The following MTRF1L variants were observed in gnomAD, a reference collection of about 807,000 sequenced individuals.
MTRF1L encodes the protein peptide chain release factor 1-like, mitochondrial.
A neutral mutation model predicts 40.0 loss-of-function variants in MTRF1L; 29 were observed. The ratio of observed to expected loss-of-function variants is 0.73; its 90% CI spans 0.54 to 0.99. MTRF1L has a LOEUF of 0.99. MTRF1L is among the 50% of genes least tolerant of loss of function. MTRF1L has a pLI of 0.00. For missense variants in MTRF1L, 412 were observed against 464.5 expected, an observed-to-expected ratio of 0.89 and a Z score of 1.04; for synonymous variants, 150 against 175.8, an observed-to-expected ratio of 0.85 and a Z score of 1.16.
chr6:153,000,768 T>A (rs1381662274), intron 1 of MTRF1L, among the ~76,000 whole-genome samples: 2 of 152,124 alleles, frequency 1.3e-5, no homozygotes, highest in East Asian at 3.9e-4. Flanking sequence ...ATCAAGACCA[T>A]TTTTATTCAA....
chr6:152,996,556 A>T, intron 2 of MTRF1L, among the ~76,000 whole-genome samples: 1 of 152,138 alleles, frequency 6.6e-6, no homozygotes, highest in Non-Finnish European at 1.5e-5. Flanking sequence ...CCTAAAGGGG[A>T]AGCAGATTCT....
At chr6:152,997,777 T>C (rs1778762869) in intron 2 of MTRF1L, among the ~76,000 whole-genome samples, 1 of 152,154 alleles carries the variant, frequency 6.6e-6, no homozygotes, top group African/African-American at 2.4e-5. Context: ...ATTCCTCTCA[T>C]CAAACAGGCA....
rs147996517 is a variant in MTRF1L at position 152,995,149 on chromosome 6, A to T, written c.510T>A (p.Phe170Leu). ...TAGTTTACTGACCTAGTTCACTTGG[A>T]AAATATTCCAGGGTTTCAAAATGCC... ...KRWHFETLEY[F>L]PSELGGLRHA... The change falls in exon 3 of 7, where the codon TTT becomes TTA. Residue 170 changes from phenylalanine to leucine, a missense_variant. Transcript: ENST00000367233. 3.7e-6 allele frequency: 6 copies of T among 1,602,198 alleles called. No individual in the cohort carries two copies. In the African/African-American group the frequency reaches 8.1e-5, roughly 22 times the overall value.
intron 2 of MTRF1L, 110 bp downstream of exon 2, chr6:152,998,440 C>T: frequency 1.4e-6 from 1 of 730,804 alleles, no homozygotes; most frequent in Non-Finnish European, 2.0e-6. Flanking sequence ...TTTAAAAAAC[C>T]CAGTTTATTC....
Position 152,989,891 on chromosome 6 carries a change from CAACTTA to C in MTRF1L, c.1141_*3del, listed in dbSNP as rs1321468871. 6.2e-7 allele frequency: 1 copy of C among 1,606,644 alleles called. No individual in the cohort carries two copies. Among genetic ancestry groups the C allele is most frequent in the East Asian group, 2.2e-5 (1 of 44,796 alleles). The stretch of plus-strand genomic sequence containing the variant: ...CTACGAAAGTCTATAAATAACAAAT[CAACTTA>C]AACTTTTTGGGAAATAATTTCTACT... On this transcript the variant is annotated stop_lost and 3_prime_UTR_variant, in exon 7 of 7. Transcript: ENST00000367233.
intron 5 of MTRF1L, among the ~76,000 whole-genome samples, chr6:152,991,639 C>T (rs1778523108): frequency 6.6e-6 from 1 of 152,134 alleles, no homozygotes; most frequent in Non-Finnish European, 1.5e-5. Flanking sequence ...CTCCGCCTCC[C>T]GGGTTCACGC....
In MTRF1L at chr6:152,995,215, C is replaced by A; in HGVS notation, c.444G>T (p.Glu148Asp). ...GGQEAMLFTS[E>D]IFDMYQQYAA... ...CATATTGCTGATACATATCAAATAT[C>A]TCTGATGTAAACAACATTGCCTCCT... The change falls in exon 3 of 7, where the codon GAG becomes GAT. Residue 148 changes from glutamate to aspartate, a missense_variant. By Grantham distance (45) the Glu-to-Asp change is conservative (BLOSUM62 2). Transcript: ENST00000367233. 1 of 1,609,338 alleles carries A rather than the reference C, an allele frequency of 6.2e-7. No homozygotes were observed. The highest frequency in any genetic ancestry group is 8.5e-7 in the Non-Finnish European group (1 of 1,177,318).
intron 4 of MTRF1L, among the ~76,000 whole-genome samples, chr6:152,994,098 T>G (rs980080974): frequency 6.6e-6 from 1 of 152,184 alleles, no homozygotes; most frequent in Non-Finnish European, 1.5e-5. Flanking sequence ...AGTATAACAA[T>G]ATACTTTCAT....
chr6:152,993,159 A>C (rs1018158909), intron 4 of MTRF1L, among the ~76,000 whole-genome samples, 185 bp from the exon 5 acceptor site: 2 of 152,166 alleles, frequency 1.3e-5, no homozygotes, highest in East Asian at 1.9e-4. Context: ...AAGAGTAGGG[A>C]ATCGAAATAG....
At chr6:152,998,083 A>G (rs923203913) in intron 2 of MTRF1L, among the ~76,000 whole-genome samples, 1 of 150,126 alleles carries the variant, frequency 6.7e-6, no homozygotes, top group African/African-American at 2.4e-5. Context: ...TTATCTTTTA[A>G]TTCCAGTTTT....
At chr6:153,001,467 C>T (rs770826832) in intron 1 of MTRF1L, among the ~76,000 whole-genome samples, 13 of 152,132 alleles carry the variant, frequency 8.5e-5, no homozygotes, top group South Asian at 4.1e-4. Flanking sequence ...AATTTTTTCT[C>T]CTAGACTAGT....
chr6:152,998,709 G>A, intron 1 of MTRF1L, 80 bp from the exon 2 acceptor site: 2 of 887,390 alleles, frequency 2.3e-6, no homozygotes, highest in East Asian at 2.9e-5. Context: ...ATAGTTTTAT[G>A]GTTATTATAG....
intron 1 of MTRF1L, among the ~76,000 whole-genome samples, chr6:152,999,071 C>T (rs12202555): frequency 0.12 from 18,772 of 152,074 alleles, 1,192 homozygotes; most frequent in South Asian, 0.21. Flanking sequence ...GAAATTTATT[C>T]TCTTATAAGC....
intron 2 of MTRF1L, 152 bp from the exon 3 acceptor site, chr6:152,995,471 AG>A: frequency 1.6e-6 from 1 of 616,652 alleles, no homozygotes; most frequent in Non-Finnish European, 2.7e-6. Context: ...CTTGCCAATT[AG>A]AACTGTATAA....
In MTRF1L at chr6:152,992,860, T is replaced by C. The variant is rs760033775; in HGVS notation, c.802A>G (p.Thr268Ala). ...TATTGAAGGAATAAGTACACACCTG[T>C]TGGAAGATGAACTATCCGGACAGCA... ...DSAVRIVHLPTGVVSECQQER... is the reference protein window; with the variant it reads ...DSAVRIVHLPAGVVSECQQER... The change falls in exon 5 of 7, where the codon ACA (threonine) becomes GCA (alanine). Residue 268 changes from threonine to alanine, a missense_variant. Coordinates refer to ENST00000367233, the MANE Select transcript of MTRF1L (RefSeq NM_019041.7). The C allele has an allele frequency of 6.2e-7, 1 of 1,609,624 alleles. No individual in the cohort carries two copies. Among genetic ancestry groups the C allele is most frequent in the South Asian group, 1.1e-5 (1 of 90,880 alleles).
intron 3 of MTRF1L, 42 bp downstream of exon 3, chr6:152,995,094 T>G (rs771900998): frequency 6.6e-7 from 1 of 1,519,688 alleles, no homozygotes; most frequent in Non-Finnish European, 8.9e-7. Context: ...CCAACTCTTT[T>G]CCTAAACACT....
In MTRF1L at chr6:152,987,552, G is replaced by A. The variant is rs938562682; in HGVS notation, c.*2343C>T. ...AGAAGTCAGGTGACTATTAGTCTGCGAAGTAATTCTGGACAAGAGCAGTGG... is the reference window on the plus strand; with the variant it reads ...AGAAGTCAGGTGACTATTAGTCTGCAAAGTAATTCTGGACAAGAGCAGTGG... On this transcript the variant is annotated 3_prime_UTR_variant, in exon 7 of 7. Coordinates refer to ENST00000367233, the MANE Select transcript of MTRF1L (RefSeq NM_019041.7). 2.6e-5 allele frequency: 4 copies of A among 152,054 alleles called. No individual in the cohort carries two copies. The highest frequency in any genetic ancestry group is 4.8e-5 in the African/African-American group (2 of 41,378). 9.4% of individuals were successfully genotyped at this position (152,054 alleles called of 1,614,324 possible).
At chr6:152,996,099 A>T (rs1406379057) in intron 2 of MTRF1L, among the ~76,000 whole-genome samples, 1 of 152,200 alleles carries the variant, frequency 6.6e-6, no homozygotes, top group Non-Finnish European at 1.5e-5. Flanking sequence ...TGTAATTCTT[A>T]AAACAATCTT....
intron 4 of MTRF1L, 29 bp downstream of exon 4, chr6:152,994,484 G>T: frequency 6.3e-7 from 1 of 1,580,296 alleles, no homozygotes; most frequent in South Asian, 1.2e-5. Flanking sequence ...CTAGGCCCGG[G>T]ATTCCAAGGA....
Sources: gnomAD v4.1 joint callset for allele counts (sites outside exome capture counted in the v4.1 genomes callset) on GRCh38, gnomAD v4.1.1 for gene constraint, MANE v1.5 for transcripts, NCBI Gene and HGNC (gene_info 2026-07-23, HGNC 2026-07-21) for gene names.